The following SLC17A2 variants were observed in gnomAD, a reference collection of about 807,000 sequenced individuals.
SLC17A2 encodes sodium-dependent phosphate transport protein 3.
In SLC17A2, 38 loss-of-function variants were observed where a neutral mutation model predicts 52.1. That is an observed-to-expected ratio of 0.73 (90% CI 0.56 to 0.96). SLC17A2 has a LOEUF of 0.96. Ranked by LOEUF, SLC17A2 falls within the 40% of genes least tolerant of loss-of-function variation. The pLI, the probability that SLC17A2 is intolerant of heterozygous loss-of-function variation, is 0.00. For missense variants in SLC17A2, 508 were observed against 583.9 expected, an observed-to-expected ratio of 0.87 and a Z score of 1.34; for synonymous variants, 226 against 211.9, an observed-to-expected ratio of 1.07 and a Z score of -0.58.
chr6:25,923,871 G>A lies in SLC17A2; in HGVS notation c.64C>T (p.Leu22Phe), dbSNP rs1361659220. Residue 22 changes from leucine (L) to phenylalanine (F), a missense_variant, in exon 3 of 12, where the codon CTT becomes TTT. Transcript: ENST00000377850. ...GTGAAGTTTGAGAAGTGCATGATAA[G>A]AGCCAGCCCATAGCGTAATGAACAG... ...DFCSLRYGLALIMHFSNFTMI... is the reference protein window; with the variant it reads ...DFCSLRYGLAFIMHFSNFTMI... 1 of 1,614,212 alleles carries A rather than the reference G, an allele frequency of 6.2e-7. No homozygotes were observed.
In SLC17A2 at chr6:25,915,662, A is replaced by C; in HGVS notation, c.1064-16T>G. 1 of 1,613,692 alleles carries C rather than the reference A, an allele frequency of 6.2e-7. No homozygotes were observed. Among genetic ancestry groups the C allele is most frequent in the East Asian group, 2.2e-5 (1 of 44,888 alleles). Reference sequence around the variant, plus strand: ...AGGAGGAGCCCTGGGCAATGAGGACATGCTGTCAGGGAACCCTCTGAGACC... The same window carrying C: ...AGGAGGAGCCCTGGGCAATGAGGACCTGCTGTCAGGGAACCCTCTGAGACC... On this transcript the variant is annotated splice_polypyrimidine_tract_variant and intron_variant, in intron 9 of 11. Coordinates refer to ENST00000377850, the MANE Select transcript of SLC17A2 (RefSeq NM_001286123.3).
chr6:25,916,833 C>G lies in SLC17A2; in HGVS notation c.782G>C (p.Gly261Ala). The G allele has an allele frequency of 6.2e-7, 1 of 1,614,036 alleles. No individual in the cohort carries two copies. The highest frequency in any genetic ancestry group is 8.5e-7 in the Non-Finnish European group (1 of 1,180,012). ...SSLAQQPSSP[G>A]RAVPIKAMVT... Reference sequence around the variant, plus strand: ...CATCGCCTTTATGGGGACAGCTCGTCCAGGAGAACTGGGCTGAAAAGAAAG... The same window carrying G: ...CATCGCCTTTATGGGGACAGCTCGTGCAGGAGAACTGGGCTGAAAAGAAAG... The change falls in exon 8 of 12, where the codon GGA becomes GCA. Residue 261 changes from glycine (G) to alanine (A), a missense_variant. Transcript: ENST00000377850.
chr6:25,918,406 T>A, intron 6 of SLC17A2, 81 bp downstream of exon 6: 2 of 829,106 alleles, frequency 2.4e-6, no homozygotes, highest in Non-Finnish European at 4.2e-6. Flanking sequence ...TTCTTTCATA[T>A]AGGAAGAATG....
intron 5 of SLC17A2, among the ~76,000 whole-genome samples, chr6:25,920,294 T>TG (rs1766503242): frequency 6.6e-6 from 1 of 152,132 alleles, no homozygotes. Context: ...CACGACAGGC[T>TG]GGGGAGAACA....
rs1766164591 is a variant in SLC17A2, at chr6:25,913,157, G to T, written c.*160C>A. The stretch of plus-strand genomic sequence containing the variant: ...CCAATTCATTCAGAATCTCTGGAGT[G>T]GGTCCCAAGTATCAGTGTCTTATAA... On this transcript the variant is annotated 3_prime_UTR_variant, in exon 12 of 12. Transcript: ENST00000377850. 1 of 695,622 alleles carries T rather than the reference G, an allele frequency of 1.4e-6. No individual in the cohort carries two copies. The highest frequency in any genetic ancestry group is 2.5e-6 in the Non-Finnish European group (1 of 403,776). The allele number at this position is 695,622 out of a possible 1,614,324, so 43.1% of individuals were successfully genotyped here. A position where few individuals can be genotyped will look rare whatever the true frequency, so the allele number is the denominator to read the frequency against.
chr6:25,929,631 G>C (rs969387392), intron 1 of SLC17A2, among the ~76,000 whole-genome samples: 1 of 152,136 alleles, frequency 6.6e-6, no homozygotes, highest in African/African-American at 2.4e-5. Flanking sequence ...AAAACTGAGG[G>C]CCCTCTCATC....
At chr6:25,927,173 T>C (rs1766797939) in intron 1 of SLC17A2, among the ~76,000 whole-genome samples, 1 of 152,206 alleles carries the variant, frequency 6.6e-6, no homozygotes, top group South Asian at 2.1e-4. Context: ...ACTTTAAAGA[T>C]ATTCATAATC....
At chr6:25,922,080 G>A (rs1027004627) in intron 3 of SLC17A2, among the ~76,000 whole-genome samples, 1 of 150,780 alleles carries the variant, frequency 6.6e-6, no homozygotes, top group African/African-American at 2.4e-5. Flanking sequence ...AAAAATAAAT[G>A]CAATAAGGCC....
In SLC17A2 at chr6:25,913,188, C is replaced by T; in HGVS notation, c.*129G>A. The T allele has an allele frequency of 1.0e-6, 1 of 985,648 alleles. No individual in the cohort carries two copies. Among genetic ancestry groups the T allele is most frequent in the Non-Finnish European group, 1.6e-6 (1 of 634,092 alleles). The allele number at this position is 985,648 out of a possible 1,614,324, so 61.1% of individuals were successfully genotyped here. A position where few individuals can be genotyped will look rare whatever the true frequency, so the allele number is the denominator to read the frequency against. Reference sequence around the variant, plus strand: ...CAAGTATCAGTGTCTTATAAAGGCTCCCCAGGGAAGACTAACACACAGCCA... The same window carrying T: ...CAAGTATCAGTGTCTTATAAAGGCTTCCCAGGGAAGACTAACACACAGCCA... On this transcript the variant is annotated 3_prime_UTR_variant, in exon 12 of 12. Transcript: ENST00000377850.
At position 25,926,362 on chromosome 6, in the gene SLC17A2, CGAACATGAAGGAT is replaced by C. The variant is rs1272356462; in HGVS notation, c.-83-496_-83-484del. On this transcript the variant is annotated intron_variant, in intron 1 of 11. Transcript: ENST00000377850. Reference sequence around the variant, plus strand: ...ACCAGAACAATGTTCCATGTGCCTTCGAACATGAAGGATGACATTACATAACACTAATATGTAT... The same window carrying C: ...ACCAGAACAATGTTCCATGTGCCTTCGACATTACATAACACTAATATGTAT... Among the ~76,000 whole-genome samples, 21 of 152,174 alleles carry C rather than the reference CGAACATGAAGGAT, an allele frequency of 1.4e-4. 1 individual carries two copies. The highest frequency in any genetic ancestry group is 1.2e-3 in the Admixed American group (18 of 15,286).
intron 1 of SLC17A2, among the ~76,000 whole-genome samples, chr6:25,927,275 T>C (rs749331673): frequency 2.1e-4 from 32 of 152,200 alleles, no homozygotes; most frequent in Non-Finnish European, 4.0e-4. Context: ...GACTGCATAA[T>C]GTTAGAGATA....
chr6:25,913,053 G>A lies in SLC17A2; in HGVS notation c.*264C>T. On this transcript the variant is annotated 3_prime_UTR_variant, in exon 12 of 12. Coordinates refer to ENST00000377850, the MANE Select transcript of SLC17A2 (RefSeq NM_001286123.3). ...TGAATTGACTTTTCAAGTTTGTCCA[G>A]CTGTTGTCAACCCCGGGCGCATGCT... is the stretch of plus-strand genomic sequence containing the variant. The A allele has an allele frequency of 2.9e-6, 1 of 344,368 alleles. No individual in the cohort carries two copies. Among genetic ancestry groups the A allele is most frequent in the Non-Finnish European group, 5.3e-6 (1 of 189,622 alleles). The allele number at this position is 344,368 out of a possible 1,614,324, so 21.3% of individuals were successfully genotyped here.
chr6:25,919,648 C>T (rs534515970), intron 5 of SLC17A2, among the ~76,000 whole-genome samples: 2 of 126,440 alleles, frequency 1.6e-5, no homozygotes, highest in Non-Finnish European at 3.1e-5. Flanking sequence ...TGCAGTGAGC[C>T]GAGATAGCGC....
At chr6:25,920,971 G>C in intron 5 of SLC17A2, 35 bp downstream of exon 5, 1 of 1,577,978 alleles carries the variant, frequency 6.3e-7, no homozygotes, top group Non-Finnish European at 8.7e-7. Flanking sequence ...GGATGGAACA[G>C]ATGACAAAGC....
chr6:25,915,149 G>GTC (rs749697702), intron 10 of SLC17A2, among the ~76,000 whole-genome samples: 1 of 57,850 alleles, frequency 1.7e-5, no homozygotes, highest in African/African-American at 5.7e-5. Flanking sequence ...TATTGTGACT[G>GTC]TATATATATA....
intron 3 of SLC17A2, 56 bp from the exon 4 acceptor site, chr6:25,921,468 T>C (rs1766558994): frequency 7.6e-7 from 1 of 1,308,114 alleles, no homozygotes; most frequent in Non-Finnish European, 1.1e-6. Context: ...AAAATCTACT[T>C]TACAGTCAGA....
rs1469441688 is a variant in SLC17A2 at position 25,920,757 on chromosome 6, C to G, written c.562+249G>C. ...TTTTCCGACAAGGCTTTTCTGACTA[C>G]TAAGGCTTTTCTGACTACTAAGGCT... On this transcript the variant is annotated intron_variant, in intron 5 of 11. Transcript: ENST00000377850. Among the ~76,000 whole-genome samples the G allele has an allele frequency of 2.0e-5, 3 of 152,114 alleles. No homozygotes were observed. In the East Asian group the frequency reaches 5.8e-4, roughly 29 times the overall value.
chr6:25,920,886 A>G (rs1001574218), intron 5 of SLC17A2, 120 bp downstream of exon 5: 1 of 834,448 alleles, frequency 1.2e-6, no homozygotes, highest in Non-Finnish European at 1.9e-6. Flanking sequence ...AGTGTCTTAT[A>G]TTGTTGAATT....
intron 3 of SLC17A2, among the ~76,000 whole-genome samples, chr6:25,923,278 A>T (rs996377148): frequency 6.6e-6 from 1 of 152,180 alleles, no homozygotes; most frequent in Non-Finnish European, 1.5e-5. Context: ...TCTTGGCAAA[A>T]TTTATTTGCA....
Sources: gnomAD v4.1 joint callset for allele counts (sites outside exome capture counted in the v4.1 genomes callset) on GRCh38, gnomAD v4.1.1 for gene constraint, MANE v1.5 for transcripts, NCBI Gene and HGNC (gene_info 2026-07-23, HGNC 2026-07-21) for gene names.